The following DIAPH2 variants were observed in gnomAD, a reference collection of about 807,000 sequenced individuals.
DIAPH2 encodes diaphanous related formin 2.
DIAPH2 carries 35 observed loss-of-function variants against 92.7 expected under a neutral mutation model. That is an observed-to-expected ratio of 0.38 (90% confidence interval 0.29 to 0.50). The LOEUF is 0.50. Among genes scored for constraint, DIAPH2 ranks in the 20% least tolerant of loss-of-function variants. The probability of loss-of-function intolerance (pLI) is 0.94; values close to 1 mark genes in which losing one functional copy is unlikely to be tolerated. For missense variants in DIAPH2, 701 were observed against 819.5 expected, an observed-to-expected ratio of 0.86 and a Z score of 1.77; for synonymous variants, 301 against 280.4, an observed-to-expected ratio of 1.07 and a Z score of -0.73.
intron 23 of DIAPH2, among the ~76,000 whole-genome samples, chrX:97,285,213 C>T (rs1353741964): frequency 1.8e-5 from 2 of 109,278 alleles, no homozygotes; most frequent in African/African-American, 6.7e-5. Context: ...TGACATGAAC[C>T]TTTCAAATTC....
intron 5 of DIAPH2, among the ~76,000 whole-genome samples, chrX:96,888,520 C>T (rs1325436713): frequency 2.0e-5 from 2 of 101,010 alleles, no homozygotes; most frequent in Non-Finnish European, 4.0e-5. Flanking sequence ...CACACAGATA[C>T]ATATATCTAT....
intron 1 of DIAPH2, among the ~76,000 whole-genome samples, chrX:96,686,017 G>T (rs1342222444): frequency 8.9e-6 from 1 of 112,200 alleles, no homozygotes; most frequent in Non-Finnish European, 1.9e-5. Flanking sequence ...AAATACTGGA[G>T]TTTCCTCAGC....
intron 17 of DIAPH2, among the ~76,000 whole-genome samples, chrX:97,004,917 A>G (rs1240606069): frequency 1.8e-5 from 2 of 111,916 alleles, no homozygotes; most frequent in African/African-American, 6.5e-5. Context: ...CCCCATTTTC[A>G]GTATGATGCT....
intron 24 of DIAPH2, among the ~76,000 whole-genome samples, chrX:97,353,054 G>A (rs1357493506): frequency 1.8e-5 from 2 of 109,405 alleles, no homozygotes; most frequent in Non-Finnish European, 3.8e-5. Flanking sequence ...TATGATGTAT[G>A]TTATTCGGGT....
At chrX:97,334,691 A>C (rs1180605333) in intron 23 of DIAPH2, among the ~76,000 whole-genome samples, 1 of 106,973 alleles carries the variant, frequency 9.3e-6, no homozygotes, top group African/African-American at 3.4e-5. Context: ...ACAAAACAAA[A>C]AAAAAAACAG....
chrX:97,082,748 A>G (rs1227026710), intron 19 of DIAPH2, among the ~76,000 whole-genome samples: 2 of 112,101 alleles, frequency 1.8e-5, no homozygotes, highest in East Asian at 2.8e-4. Context: ...AGGTTATACC[A>G]TAACCCCTCC....
chrX:97,582,730 A>T (rs2071449089), intron 26 of DIAPH2, among the ~76,000 whole-genome samples: 1 of 110,261 alleles, frequency 9.1e-6, no homozygotes, highest in Non-Finnish European at 1.9e-5. Context: ...CTGCCTTGCT[A>T]GATTGGGGAA....
intron 1 of DIAPH2, among the ~76,000 whole-genome samples, chrX:96,719,500 A>G (rs2063976390): frequency 2.7e-5 from 3 of 112,325 alleles, no homozygotes; most frequent in South Asian, 3.7e-4. Flanking sequence ...TTTCTTCTGC[A>G]TATGGAGATC....
chrX:97,301,705 G>A (rs974031788), intron 23 of DIAPH2, among the ~76,000 whole-genome samples: 2 of 111,660 alleles, frequency 1.8e-5, no homozygotes, highest in Non-Finnish European at 3.8e-5. Context: ...ATTACCTATA[G>A]CTGATACGAC....
At chrX:97,416,724 G>A (rs1404448866) in intron 25 of DIAPH2, among the ~76,000 whole-genome samples, 2 of 112,033 alleles carry the variant, frequency 1.8e-5, no homozygotes, top group East Asian at 2.8e-4. Context: ...CCATGCAGCT[G>A]CTGAAACCTG....
chrX:97,484,434 G>A (rs1404965988), intron 26 of DIAPH2, among the ~76,000 whole-genome samples: 1 of 112,111 alleles, frequency 8.9e-6, no homozygotes, highest in Non-Finnish European at 1.9e-5. Flanking sequence ...ACAGTAGCTG[G>A]TGATTCTAAT....
chrX:96,974,957 G>A (rs1162919682), intron 17 of DIAPH2, among the ~76,000 whole-genome samples: 1 of 111,639 alleles, frequency 9.0e-6, no homozygotes. Flanking sequence ...GAAGTTGTAA[G>A]CAATTTCTTT....
intron 26 of DIAPH2, among the ~76,000 whole-genome samples, chrX:97,598,837 A>G (rs766520853): frequency 8.9e-6 from 1 of 112,272 alleles, no homozygotes; most frequent in East Asian, 2.8e-4. Flanking sequence ...TGCTCTGCCT[A>G]TGCTGGTGTC....
intron 22 of DIAPH2, among the ~76,000 whole-genome samples, chrX:97,142,153 G>A (rs1409604804): frequency 3.6e-5 from 4 of 111,047 alleles, no homozygotes; most frequent in Non-Finnish European, 7.6e-5. Flanking sequence ...GATTGAGTGT[G>A]GTTAAAATAT....
chrX:97,415,438 A>G (rs777351148), intron 25 of DIAPH2, among the ~76,000 whole-genome samples: 87 of 111,712 alleles, frequency 7.8e-4, no homozygotes, highest in Non-Finnish European at 1.2e-3. Flanking sequence ...CAATAGCAAA[A>G]ACTTGGAACC....
chrX:96,821,748 C>T (rs1602538491), intron 4 of DIAPH2, among the ~76,000 whole-genome samples: 1 of 111,447 alleles, frequency 9.0e-6, no homozygotes. Context: ...TTATTTGGTT[C>T]TATTATATAA....
chrX:97,142,162 A>G (rs1241524662), intron 22 of DIAPH2, among the ~76,000 whole-genome samples: 1 of 111,668 alleles, frequency 9.0e-6, no homozygotes, highest in African/African-American at 3.3e-5. Context: ...TGGTTAAAAT[A>G]TAGTAAATGA....
At chrX:96,785,531 G>A (rs1233152803) in intron 4 of DIAPH2, among the ~76,000 whole-genome samples, 1 of 15,166 alleles carries the variant, frequency 6.6e-5, no homozygotes, top group Non-Finnish European at 1.2e-4. Context: ...GCCCAGGCAC[G>A]ATCTTGGCTC....
At chrX:96,862,743 A>G (rs1007067329) in intron 4 of DIAPH2, among the ~76,000 whole-genome samples, 24 of 112,023 alleles carry the variant, frequency 2.1e-4, no homozygotes, top group Admixed American at 5.7e-4. Flanking sequence ...CATTAAAACA[A>G]TGCCATCACA....
Sources: gnomAD v4.1 joint callset for allele counts (sites outside exome capture counted in the v4.1 genomes callset) on GRCh38, gnomAD v4.1.1 for gene constraint, MANE v1.5 for transcripts, NCBI Gene and HGNC (gene_info 2026-07-23, HGNC 2026-07-21) for gene names.